The following SMG6 variants were observed in gnomAD, a reference collection of about 807,000 sequenced individuals.
SMG6 encodes the protein telomerase-binding protein EST1A.
A neutral mutation model predicts 142.2 loss-of-function variants in SMG6; 66 were observed. The ratio of observed to expected loss-of-function variants is 0.46; its 90% CI spans 0.38 to 0.57. The LOEUF is 0.57. Among genes scored for constraint, SMG6 ranks in the 20% least tolerant of loss-of-function variants. The pLI, the probability that SMG6 is intolerant of heterozygous loss-of-function variation, is 0.00. For synonymous variants in SMG6, 779 were observed against 702.4 expected (o/e 1.11, Z -1.72); for missense variants, 1,793 against 1,832.0 (o/e 0.98, Z 0.39).
intron 13 of SMG6, among the ~76,000 whole-genome samples, chr17:2,134,008 G>A (rs1365122742): frequency 6.6e-6 from 1 of 152,108 alleles, no homozygotes; most frequent in Non-Finnish European, 1.5e-5. Flanking sequence ...GACTGCCTAT[G>A]TCTAGACTCT....
At chr17:2,096,663 G>A (rs991085842) in intron 13 of SMG6, among the ~76,000 whole-genome samples, 2 of 152,094 alleles carry the variant, frequency 1.3e-5, no homozygotes, top group Non-Finnish European at 2.9e-5. Context: ...CCTTCAAGAC[G>A]CCAGTTAGCC....
intron 6 of SMG6, among the ~76,000 whole-genome samples, chr17:2,292,009 G>A (rs930112361): frequency 2.6e-5 from 4 of 152,074 alleles, no homozygotes; most frequent in Admixed American, 6.6e-5. Context: ...CCCAAGGCCC[G>A]CTTCTCCATT....
chr17:2,171,981 C>T (rs567388396), intron 13 of SMG6, among the ~76,000 whole-genome samples: 2 of 152,216 alleles, frequency 1.3e-5, no homozygotes, highest in South Asian at 2.1e-4. Context: ...AAATGTGAAG[C>T]CGACTGGACT....
At chr17:2,142,526 T>C (rs1461441017) in intron 13 of SMG6, among the ~76,000 whole-genome samples, 3 of 64,954 alleles carry the variant, frequency 4.6e-5, no homozygotes, top group Admixed American at 4.3e-4. Flanking sequence ...ATGTAATCTT[T>C]CTATCTATCT....
intron 13 of SMG6, among the ~76,000 whole-genome samples, chr17:2,107,322 G>A (rs534206974): frequency 4.6e-5 from 7 of 152,238 alleles, no homozygotes; most frequent in Admixed American, 6.5e-5. Context: ...ACACAAATGG[G>A]GACTGTCATT....
chr17:2,176,692 A>G (rs1445345986), intron 12 of SMG6, among the ~76,000 whole-genome samples: 2 of 152,190 alleles, frequency 1.3e-5, no homozygotes, highest in African/African-American at 4.8e-5. Context: ...AGCAGGGATC[A>G]GCAGTTGCAA....
chr17:2,233,040 A>C, intron 10 of SMG6: 1 of 152,260 alleles, frequency 6.6e-6, no homozygotes, highest in East Asian at 1.9e-4. Context: ...ATATTGCAGA[A>C]AGAAGATAGT....
intron 10 of SMG6, among the ~76,000 whole-genome samples, chr17:2,231,813 G>A (rs1032418156): frequency 2.7e-5 from 4 of 150,536 alleles, no homozygotes; most frequent in African/African-American, 4.9e-5. Context: ...CCAATAGCAC[G>A]TGCAAGAAGT....
intron 15 of SMG6, 90 bp from the exon 16 acceptor site, chr17:2,069,021 C>T: frequency 1.5e-6 from 2 of 1,340,134 alleles, no homozygotes; most frequent in South Asian, 1.3e-5. Flanking sequence ...TGTCAGCATC[C>T]TGCCCCTAGG....
Position 2,200,486 on chromosome 17 carries a change from C to A in SMG6, c.2870-11971G>T, listed in dbSNP as rs368243448. Among the ~76,000 whole-genome samples the A allele has an allele frequency of 2.0e-5, 3 of 150,736 alleles. No homozygotes were observed. In the East Asian group the frequency reaches 5.9e-4, roughly 29 times the overall value. On this transcript the variant is annotated intron_variant, in intron 10 of 18. Transcript: ENST00000263073. ...AACTCGTCATTTACATTGGGTGTAT[C>A]TCCTAATGCTATCCCTCCCCTTCCC...
intron 10 of SMG6, among the ~76,000 whole-genome samples, chr17:2,196,605 T>C (rs898897026): frequency 4.1e-4 from 62 of 152,254 alleles, no homozygotes; most frequent in Middle Eastern, 3.4e-3. Context: ...GCTATCAAAA[T>C]CTCAGGAACG....
chr17:2,282,765 T>C lies in SMG6; in HGVS notation c.2543A>G (p.Asp848Gly). ...GKKSTFRHVG[D>G]DTTRLEIWIH... Reference sequence around the variant, plus strand: ...CCAGATCTCCAGGCGAGTGGTGTCATCTCCAACATGCCGGAAAGTAGACTT... The same window carrying C: ...CCAGATCTCCAGGCGAGTGGTGTCACCTCCAACATGCCGGAAAGTAGACTT... Residue 848 changes from aspartate (D) to glycine (G), a missense_variant, in exon 8 of 19, where the codon GAT (aspartate) becomes GGT (glycine). Physicochemically the swap from Asp to Gly is moderately conservative, Grantham distance 94 (BLOSUM62 -1). This residue lies in a region of SMG6 where 1,597 missense variants were observed against 1,584.6 expected (regional missense o/e 1.01). Transcript: ENST00000263073. 5 of 1,614,188 alleles carry C rather than the reference T, an allele frequency of 3.1e-6. No homozygotes were observed. Among genetic ancestry groups the C allele is most frequent in the Non-Finnish European group, 4.2e-6 (5 of 1,180,040 alleles).
chr17:2,090,407 T>G (rs564999708), intron 13 of SMG6, among the ~76,000 whole-genome samples: 2 of 151,794 alleles, frequency 1.3e-5, no homozygotes, highest in Non-Finnish European at 2.9e-5. Context: ...GTGCTCTGAG[T>G]TGCAAGACTT....
At chr17:2,156,875 A>T (rs949541647) in intron 13 of SMG6, among the ~76,000 whole-genome samples, 3 of 152,112 alleles carry the variant, frequency 2.0e-5, no homozygotes, top group African/African-American at 7.2e-5. Context: ...CTGGTCTCGA[A>T]CTTCTGGGCT....
At chr17:2,075,033 G>A (rs1381406638) in intron 15 of SMG6, among the ~76,000 whole-genome samples, 3 of 152,206 alleles carry the variant, frequency 2.0e-5, no homozygotes, top group East Asian at 1.9e-4. Flanking sequence ...TGGGAAGGGC[G>A]GATGCCCGCT....
chr17:2,303,052 A>G (rs1175169154), intron 1 of SMG6: 1 of 985,312 alleles, frequency 1.0e-6, no homozygotes, highest in East Asian at 1.1e-4. Flanking sequence ...TAACTTGCAA[A>G]TTGAGCATTC....
At chr17:2,251,961 C>T (rs1417826660) in intron 8 of SMG6, among the ~76,000 whole-genome samples, 4 of 151,992 alleles carry the variant, frequency 2.6e-5, no homozygotes, top group Admixed American at 6.6e-5. Context: ...ATTAGCCGGG[C>T]GTGGTGGCTC....
At chr17:2,066,062 C>T (rs1179499717) in intron 16 of SMG6, 1 of 243,736 alleles carries the variant, frequency 4.1e-6, no homozygotes, top group Admixed American at 4.9e-5. Flanking sequence ...AGGGAGGCGT[C>T]CTTCCTTAAC....
chr17:2,220,353 A>T (rs2073137822), intron 10 of SMG6, among the ~76,000 whole-genome samples: 1 of 152,212 alleles, frequency 6.6e-6, no homozygotes, highest in Admixed American at 6.5e-5. Context: ...ATGTGAAGCC[A>T]AGCTCAGCGG....
Sources: gnomAD v4.1 joint callset for allele counts (sites outside exome capture counted in the v4.1 genomes callset) on GRCh38, gnomAD v4.1.1 for gene constraint, gnomAD v4.1.1 regional missense constraint, MANE v1.5 for transcripts, NCBI Gene and HGNC (gene_info 2026-07-23, HGNC 2026-07-21) for gene names.